The following STRIP2 variants were observed in gnomAD, a reference collection of about 807,000 sequenced individuals.
STRIP2 encodes the protein striatin-interacting protein 2.
Under a neutral mutation model 107.1 loss-of-function variants are expected in STRIP2, and 84 were observed. The observed-to-expected ratio is 0.78, with a 90% CI of 0.66 to 0.94. The LOEUF (loss-of-function observed/expected upper bound fraction) is 0.94. Ranked by LOEUF, STRIP2 falls within the 40% of genes least tolerant of loss-of-function variation. STRIP2 has a pLI of 0.00. For synonymous variants in STRIP2, 394 were observed against 400.4 expected (o/e 0.98, Z 0.19); for missense variants, 888 against 1,034.2 (o/e 0.86, Z 1.94).
chr7:129,434,482 C>T lies in STRIP2; in HGVS notation c.10C>T (p.Pro4Ser), dbSNP rs773829057. MEDPAAPGTGGPPA... is the reference protein window; with the variant it reads MEDSAAPGTGGPPA... ...GCCGCTGACCAGCAGCATGGAGGAC[C>T]CCGCCGCGCCTGGGACCGGGGGCCC... The change falls in exon 1 of 21, where the codon CCC (proline) becomes TCC (serine). Residue 4 changes from proline (P) to serine (S), a missense_variant. Pro to Ser is a moderately conservative substitution (Grantham distance 74). Coordinates refer to ENST00000249344, the MANE Select transcript of STRIP2 (RefSeq NM_020704.3). The T allele has an allele frequency of 1.8e-5, 28 of 1,514,188 alleles. No homozygotes were observed. The highest frequency in any genetic ancestry group is 2.5e-5 in the Non-Finnish European group (28 of 1,138,016). 93.8% of individuals were successfully genotyped at this position (1,514,188 alleles called of 1,614,324 possible).
At chr7:129,460,192 C>A in intron 12 of STRIP2, 109 bp from the exon 13 acceptor site, 1 of 943,354 alleles carries the variant, frequency 1.1e-6, no homozygotes, top group Non-Finnish European at 1.6e-6. Context: ...TGTGGGGTAA[C>A]AAACCCATAA....
intron 18 of STRIP2, among the ~76,000 whole-genome samples, chr7:129,480,033 C>T (rs965678624): frequency 6.6e-6 from 1 of 152,128 alleles, no homozygotes; most frequent in Non-Finnish European, 1.5e-5. Flanking sequence ...TGAGGAATTT[C>T]CAAGATGTTA....
chr7:129,440,019 C>G lies in STRIP2; in HGVS notation c.130-3C>G, dbSNP rs779778578. ...AGTTACCAACAAAATTTCTCTGTTA[C>G]AGGGCTCTGTGGACTGTCCCACTCT... On this transcript the variant is annotated splice_polypyrimidine_tract_variant and splice_region_variant and intron_variant, in intron 1 of 20. Transcript: ENST00000249344. The G allele has an allele frequency of 1.2e-6, 2 of 1,613,860 alleles. No homozygotes were observed. Among genetic ancestry groups the G allele is most frequent in the Non-Finnish European group, 1.7e-6 (2 of 1,179,734 alleles).
intron 3 of STRIP2, among the ~76,000 whole-genome samples, chr7:129,445,856 G>C (rs1334277665): frequency 6.6e-6 from 1 of 152,170 alleles, no homozygotes; most frequent in Non-Finnish European, 1.5e-5. Flanking sequence ...ATGGATGGTA[G>C]TCTTGGCAGA....
chr7:129,453,636 T>C (rs780523145), intron 5 of STRIP2, among the ~76,000 whole-genome samples: 7 of 152,204 alleles, frequency 4.6e-5, no homozygotes, highest in Non-Finnish European at 8.8e-5. Flanking sequence ...AAGGACTTTC[T>C]TAGCTCAGCC....
chr7:129,478,244 T>A (rs1049536906), intron 18 of STRIP2: 3 of 214,534 alleles, frequency 1.4e-5, no homozygotes, highest in African/African-American at 7.1e-5. Context: ...GCACAGTGGC[T>A]CACGCCTATA....
intron 18 of STRIP2, among the ~76,000 whole-genome samples, chr7:129,477,159 AC>A (rs1191276925): frequency 1.7e-5 from 2 of 115,620 alleles, no homozygotes; most frequent in Non-Finnish European, 3.5e-5. Flanking sequence ...TCAGAGGGAG[AC>A]CGTGGAAAGA....
intron 2 of STRIP2, among the ~76,000 whole-genome samples, chr7:129,441,236 G>A (rs1035826505): frequency 5.3e-5 from 8 of 150,456 alleles, no homozygotes; most frequent in African/African-American, 1.5e-4. Flanking sequence ...TGGTGAGGGT[G>A]CAGAGAAATT....
At chr7:129,474,936 G>A (rs910402820) in intron 18 of STRIP2, among the ~76,000 whole-genome samples, 1 of 152,190 alleles carries the variant, frequency 6.6e-6, no homozygotes, top group African/African-American at 2.4e-5. Flanking sequence ...ATTAATTTCT[G>A]AAGTATTCCC....
Position 129,458,681 on chromosome 7 carries a change from T to C in STRIP2, c.1275-31T>C. 6.2e-7 allele frequency: 1 copy of C among 1,613,516 alleles called. No homozygotes were observed. The highest frequency in any genetic ancestry group is 8.5e-7 in the Non-Finnish European group (1 of 1,179,396). ...CTCAAAGTTTGCTTTTCTTCCCTTC[T>C]CTGGGATTGGTCTTTCCACCATCCT... On this transcript the variant is annotated intron_variant, in intron 10 of 20. Coordinates refer to ENST00000249344, the MANE Select transcript of STRIP2 (RefSeq NM_020704.3). The surrounding 1 kb of genome is among the most constrained non-coding windows in gnomAD (Gnocchi z 4.6).
intron 18 of STRIP2, among the ~76,000 whole-genome samples, chr7:129,473,810 C>T (rs901238793): frequency 5.3e-5 from 8 of 152,058 alleles, no homozygotes; most frequent in East Asian, 1.9e-4. Context: ...CTCTGCCTCC[C>T]GGGTTCAAGC....
At chr7:129,467,774 G>A (rs879115849) in intron 17 of STRIP2, among the ~76,000 whole-genome samples, 5 of 152,048 alleles carry the variant, frequency 3.3e-5, no homozygotes, top group African/African-American at 7.3e-5. Flanking sequence ...CTGGCCAGGC[G>A]TTATTTTAGT....
intron 8 of STRIP2, among the ~76,000 whole-genome samples, 163 bp from the exon 9 acceptor site, chr7:129,456,276 A>C (rs1410280278): frequency 6.7e-6 from 1 of 150,162 alleles, no homozygotes; most frequent in Non-Finnish European, 1.5e-5. Flanking sequence ...TGGGGATGGT[A>C]ATCATATTTG....
chr7:129,460,200 T>A (rs1798491929), intron 12 of STRIP2, 101 bp from the exon 13 acceptor site: 3 of 1,036,616 alleles, frequency 2.9e-6, no homozygotes, highest in Non-Finnish European at 2.8e-6. Context: ...AACAAACCCA[T>A]AAGCAGAACA....
intron 20 of STRIP2, among the ~76,000 whole-genome samples, chr7:129,484,128 G>A (rs1799190735): frequency 6.6e-6 from 1 of 152,110 alleles, no homozygotes; most frequent in South Asian, 2.1e-4. Context: ...CTCACATTCT[G>A]GATTTGTCTG....
intron 1 of STRIP2, among the ~76,000 whole-genome samples, chr7:129,435,009 A>G (rs1161601230): frequency 6.6e-6 from 1 of 152,210 alleles, no homozygotes; most frequent in African/African-American, 2.4e-5. Context: ...GCCGCAGGAA[A>G]GCAGGATTGG....
chr7:129,439,633 G>A (rs1797844157), intron 1 of STRIP2, among the ~76,000 whole-genome samples: 1 of 152,100 alleles, frequency 6.6e-6, no homozygotes, highest in Admixed American at 6.5e-5. Flanking sequence ...ACAGTGGGTT[G>A]ATGACAGAAC....
chr7:129,481,745 C>T (rs1799121014), intron 19 of STRIP2, among the ~76,000 whole-genome samples: 1 of 151,780 alleles, frequency 6.6e-6, no homozygotes, highest in Non-Finnish European at 1.5e-5. Flanking sequence ...GACCCCATCT[C>T]TATTAAAAAA....
intron 2 of STRIP2, among the ~76,000 whole-genome samples, chr7:129,440,607 G>A (rs1361038848): frequency 6.6e-6 from 1 of 152,116 alleles, no homozygotes; most frequent in Non-Finnish European, 1.5e-5. Context: ...AGCTGAGCAA[G>A]GCTGGACATG....
Sources: allele counts gnomAD v4.1 joint callset (sites outside exome capture counted in the v4.1 genomes callset), GRCh38; gene constraint gnomAD v4.1.1; non-coding constraint Gnocchi (gnomAD v3.1); transcripts MANE v1.5; gene names NCBI Gene and HGNC (gene_info 2026-07-23, HGNC 2026-07-21).